Variants in DNHD1 observed in about 807,000 individuals in gnomAD.
DNHD1 encodes the protein dynein heavy chain domain-containing protein 1.
Under a neutral mutation model 458.1 loss-of-function variants are expected in DNHD1, and 383 were observed. That is an observed-to-expected ratio of 0.84 (90% CI 0.77 to 0.91). DNHD1 has a LOEUF of 0.91. Ranked by LOEUF, DNHD1 falls within the 40% of genes least tolerant of loss-of-function variation. DNHD1 has a pLI of 0.00. For synonymous variants in DNHD1, 2,203 were observed against 2,376.9 expected, an observed-to-expected ratio of 0.93 and a Z score of 2.13; for missense variants, 5,336 against 5,866.1, an observed-to-expected ratio of 0.91 and a Z score of 2.95.
intron 7 of DNHD1, among the ~76,000 whole-genome samples, chr11:6,515,756 T>G (rs1178007269): frequency 6.6e-6 from 1 of 151,844 alleles, no homozygotes; most frequent in Non-Finnish European, 1.5e-5. Flanking sequence ...ATTCACTGTT[T>G]TATTCAAATA....
intron 24 of DNHD1, among the ~76,000 whole-genome samples, chr11:6,551,507 A>G (rs185478098): frequency 6.6e-6 from 1 of 152,368 alleles, no homozygotes; most frequent in Admixed American, 6.5e-5. Flanking sequence ...AATGGAGAAT[A>G]TCAACAAAGC....
chr11:6,522,681 G>A (rs1269651226), intron 10 of DNHD1, among the ~76,000 whole-genome samples: 2 of 152,106 alleles, frequency 1.3e-5, no homozygotes, highest in Non-Finnish European at 2.9e-5. Flanking sequence ...AACACTAATA[G>A]TAGTCTTTAA....
At position 6,519,772 on chromosome 11, in the gene DNHD1, G is replaced by A. The variant is rs777576667; in HGVS notation, c.1565G>A (p.Arg522His). 1.5e-5 allele frequency: 24 copies of A among 1,613,690 alleles called. No homozygotes were observed. The East Asian group carries it at 2.9e-4, about 19-fold the overall frequency. The change falls in exon 8 of 43, where the codon CGC becomes CAC. Residue 522 changes from arginine (R) to histidine (H), a missense_variant. Arg to His is a conservative substitution (Grantham distance 29). This residue lies in a region of DNHD1 where 3,932 missense variants were observed against 4,365.6 expected (regional missense o/e 0.90). Coordinates refer to ENST00000254579, the MANE Select transcript of DNHD1 (RefSeq NM_144666.3). Reference protein sequence around the residue: ...AWWLQLGKFARLVDYMICQSL... With the variant: ...AWWLQLGKFAHLVDYMICQSL... Reference sequence around the variant, plus strand: ...TGGCTGCAGCTGGGAAAGTTTGCCCGCCTGGTTGACTACATGATTTGTCAG... The same window carrying A: ...TGGCTGCAGCTGGGAAAGTTTGCCCACCTGGTTGACTACATGATTTGTCAG...
rs920321889 is a variant in DNHD1, at chr11:6,498,630, T to C, written c.415T>C (p.Ser139Pro). 1 of 1,614,090 alleles carries C rather than the reference T, an allele frequency of 6.2e-7. No homozygotes were observed. The highest frequency in any genetic ancestry group is 8.5e-7 in the Non-Finnish European group (1 of 1,180,044). ...AIVQAFPPDSSLLDSASHADC... is the reference protein window; with the variant it reads ...AIVQAFPPDSPLLDSASHADC... ...TGTCCAGGCCTTTCCTCCAGACAGC[T>C]CTTTGTTAGACAGTGCTTCCCATGC... The change falls in exon 3 of 43, where the codon TCT becomes CCT. Residue 139 changes from serine to proline, a missense_variant. By Grantham distance (74) the Ser-to-Pro change is moderately conservative. Transcript: ENST00000254579.
At position 6,563,911 on chromosome 11, in the gene DNHD1, C is replaced by CA; in HGVS notation, c.10072dup (p.Thr3358AsnfsTer21). ...TGCTGCAGCAAGTGGAGGCAACACTCACTCGGGAGCAGGCCCGCCTGGGCT... is the reference window on the plus strand; with the variant it reads ...TGCTGCAGCAAGTGGAGGCAACACTCAACTCGGGAGCAGGCCCGCCTGGGCT... On this transcript the variant is annotated frameshift_variant, in exon 31 of 43. Transcript: ENST00000254579. LOFTEE classifies it high-confidence loss of function. 1.9e-6 allele frequency: 3 copies of CA among 1,551,728 alleles called. No individual in the cohort carries two copies. The highest frequency in any genetic ancestry group is 2.6e-6 in the Non-Finnish European group (3 of 1,147,010).
intron 14 of DNHD1, among the ~76,000 whole-genome samples, chr11:6,534,865 G>T (rs1188460731): frequency 6.6e-6 from 1 of 152,170 alleles, no homozygotes; most frequent in East Asian, 1.9e-4. Flanking sequence ...TCCCATCTCA[G>T]CCTCCTGAGT....
chr11:6,537,109 A>G (rs1437231910), intron 14 of DNHD1, among the ~76,000 whole-genome samples: 1 of 152,154 alleles, frequency 6.6e-6, no homozygotes, highest in Non-Finnish European at 1.5e-5. Flanking sequence ...AGTTAATGAG[A>G]TATCTGTTGT....
rs200883480 is a variant in DNHD1 at position 6,565,699 on chromosome 11, A to T, written c.10761A>T (p.Lys3587Asn). Reference protein sequence around the residue: ...FAPALTEGRGKGLMRNQKRES... With the variant: ...FAPALTEGRGNGLMRNQKRES... The stretch of plus-strand genomic sequence containing the variant: ...CTCTGAATCTTTCTGCCCCAGGGAA[A>T]GGCCTCATGAGAAATCAAAAGAGAG... The change falls in exon 33 of 43, where the codon AAA becomes AAT. Residue 3587 changes from lysine (K) to asparagine (N), a missense_variant. Transcript: ENST00000254579. 715 of 1,544,062 alleles carry T rather than the reference A, an allele frequency of 4.6e-4. No homozygotes were observed. The highest frequency in any genetic ancestry group is 5.8e-4 in the Non-Finnish European group (664 of 1,144,102).
rs746947382 is a variant in DNHD1 at position 6,557,164 on chromosome 11, GC to G, written c.7870del (p.Arg2624AlafsTer11). 8.0e-5 allele frequency: 124 copies of G among 1,551,630 alleles called. No individual in the cohort carries two copies. Among genetic ancestry groups the G allele is most frequent in the Non-Finnish European group, 1.1e-4 (124 of 1,147,012 alleles). On this transcript the variant is annotated frameshift_variant, in exon 25 of 43. Transcript: ENST00000254579. LOFTEE classifies it high-confidence loss of function. ...ACTATCCCAACCACCAGGAGCACTT[GC>G]GCCGGGTGTCAGGCCTGCGAGGCAC... ...VDYPNHQEHL[R>X]RVSGLRGTCL...
Position 6,528,775 on chromosome 11 carries a change from G to T in DNHD1, c.2091G>T (p.Gln697His), listed in dbSNP as rs753244112. The T allele has an allele frequency of 6.4e-7, 1 of 1,551,210 alleles. No individual in the cohort carries two copies. Among genetic ancestry groups the T allele is most frequent in the South Asian group, 1.2e-5 (1 of 84,024 alleles). The change falls in exon 11 of 43, where the codon CAG becomes CAT. Residue 697 changes from glutamine to histidine, a missense_variant. Physicochemically the swap from Gln to His is conservative, Grantham distance 24. Around this residue, in one of 4 missense-constraint regions of DNHD1, gnomAD observed 3,932 missense variants for 4,365.6 expected, o/e 0.90. Coordinates refer to ENST00000254579, the MANE Select transcript of DNHD1 (RefSeq NM_144666.3). ...TCCAGCAGGCACTGAATATACAACA[G>T]GTGCTGCTGGAGGTGAGAACAGTGG... ...PKIQQALNIQ[Q>H]VLLEGVLCKV... is the part of the protein sequence containing the mutation.
At position 6,567,107 on chromosome 11, in the gene DNHD1, A is replaced by G. The variant is rs368544812; in HGVS notation, c.11598A>G (p.Gln3866=). 46 of 1,613,926 alleles carry G rather than the reference A, an allele frequency of 2.9e-5. No homozygotes were observed. Among genetic ancestry groups the G allele is most frequent in the Non-Finnish European group, 3.6e-5 (43 of 1,179,906 alleles). Residue 3866 remains glutamine, a synonymous_variant, in exon 36 of 43, where the codon CAA becomes CAG. Coordinates refer to ENST00000254579, the MANE Select transcript of DNHD1 (RefSeq NM_144666.3). ...TGGCCATGGTAAAGGCCCTAAGCCAACTGCAGAACCTGCTGCCACTTTTCT... is the reference window on the plus strand; with the variant it reads ...TGGCCATGGTAAAGGCCCTAAGCCAGCTGCAGAACCTGCTGCCACTTTTCT... ...HGMAMVKALS[Q]LQNLLPLFCM... is the part of the protein sequence containing the mutation.
At chr11:6,536,254 T>C (rs774138366) in intron 14 of DNHD1, among the ~76,000 whole-genome samples, 1 of 152,210 alleles carries the variant, frequency 6.6e-6, no homozygotes, top group East Asian at 1.9e-4. Flanking sequence ...AATGCAGTGC[T>C]TGACCCTGGA....
At position 6,547,380 on chromosome 11, in the gene DNHD1, T is replaced by G. The variant is rs1286619994; in HGVS notation, c.6441T>G (p.Cys2147Trp). The G allele has an allele frequency of 6.4e-7, 1 of 1,551,744 alleles. No individual in the cohort carries two copies. The highest frequency in any genetic ancestry group is 8.7e-7 in the Non-Finnish European group (1 of 1,146,996). The change falls in exon 21 of 43, where the codon TGT becomes TGG. Residue 2147 changes from cysteine (C) to tryptophan (W), a missense_variant. Physicochemically the swap from Cys to Trp is radical, Grantham distance 215. Around this residue, in one of 4 missense-constraint regions of DNHD1, gnomAD observed 3,932 missense variants for 4,365.6 expected, o/e 0.90. Transcript: ENST00000254579. ...TAGGCTGTTGTGCCCTAGTCTGGTG[T>G]GGTGGAGAGCAGACTTGGCAGTGTA... ...TVVGCCALVW[C>W]GGEQTWQCIL...
chr11:6,567,132 T>A lies in DNHD1; in HGVS notation c.11623T>A (p.Cys3875Ser). The change falls in exon 36 of 43, where the codon TGT becomes AGT. Residue 3875 changes from cysteine to serine, a missense_variant. Physicochemically the swap from Cys to Ser is moderately radical, Grantham distance 112. Transcript: ENST00000254579. ...SQLQNLLPLF[C>S]MSPENWLAVT... ...ACTGCAGAACCTGCTGCCACTTTTC[T>A]GTATGAGCCCAGAGAACTGGCTGGC... is the stretch of plus-strand genomic sequence containing the variant. 1 of 1,614,036 alleles carries A rather than the reference T, an allele frequency of 6.2e-7. No individual in the cohort carries two copies. Among genetic ancestry groups the A allele is most frequent in the Non-Finnish European group, 8.5e-7 (1 of 1,179,884 alleles).
At chr11:6,554,506 T>A (rs1403475680) in intron 24 of DNHD1, among the ~76,000 whole-genome samples, 1 of 152,150 alleles carries the variant, frequency 6.6e-6, no homozygotes. Context: ...AAAAATAAGC[T>A]ATTGACAGAG....
chr11:6,539,221 C>T lies in DNHD1; in HGVS notation c.3328C>T (p.Leu1110Phe). ...TGACTTGTTTTCTCTACCTCCAGCC[C>T]TTGGGCTGGGCAGTCTCCAAACTAT... The part of the protein sequence containing the change: ...SLNCQCLLRA[L>F]GLGSLQTIEL... The change falls in exon 17 of 43, where the codon CTT (leucine) becomes TTT (phenylalanine). Residue 1110 changes from leucine (L) to phenylalanine (F), a missense_variant and splice_region_variant. Transcript: ENST00000254579. 3 of 1,550,134 alleles carry T rather than the reference C, an allele frequency of 1.9e-6. No individual in the cohort carries two copies. The East Asian group carries it at 7.3e-5, about 38-fold the overall frequency.
At chr11:6,503,014 C>T in intron 4 of DNHD1, 88 bp downstream of exon 4, 1 of 1,436,326 alleles carries the variant, frequency 7.0e-7, no homozygotes, top group Non-Finnish European at 9.5e-7. Flanking sequence ...CACGTGCGCA[C>T]CCTTCTCCCT....
rs764974137 is a variant in DNHD1 at position 6,568,124 on chromosome 11, C to T, written c.12420C>T (p.Ser4140=). ...EAWDPVSVVV[S]TLSQAMYEGH... Reference sequence around the variant, plus strand: ...GGGACCCAGTCTCAGTTGTGGTCAGCACTCTATCCCAGGCTATGTATGAGG... The same window carrying T: ...GGGACCCAGTCTCAGTTGTGGTCAGTACTCTATCCCAGGCTATGTATGAGG... The change falls in exon 37 of 43, where the codon AGC becomes AGT. Residue 4140 remains serine, a synonymous_variant. Coordinates refer to ENST00000254579, the MANE Select transcript of DNHD1 (RefSeq NM_144666.3). 18 of 1,565,518 alleles carry T rather than the reference C, an allele frequency of 1.1e-5. No homozygotes were observed. In the Admixed American group the frequency reaches 2.8e-4, roughly 25 times the overall value.
At chr11:6,526,980 T>C (rs1271155042) in intron 10 of DNHD1, among the ~76,000 whole-genome samples, 1 of 152,260 alleles carries the variant, frequency 6.6e-6, no homozygotes, top group Non-Finnish European at 1.5e-5. Context: ...CAAATGGTGA[T>C]GCCATGTGTG....
Sources: gnomAD v4.1 joint callset for allele counts (sites outside exome capture counted in the v4.1 genomes callset) on GRCh38, gnomAD v4.1.1 for gene constraint, gnomAD v4.1.1 regional missense constraint, MANE v1.5 for transcripts, NCBI Gene and HGNC (gene_info 2026-07-23, HGNC 2026-07-21) for gene names.